The following MACROD2 variants were observed in gnomAD, a reference collection of about 807,000 sequenced individuals.
MACROD2 encodes the protein ADP-ribose glycohydrolase MACROD2.
A neutral mutation model predicts 70.4 loss-of-function variants in MACROD2; 36 were observed. The ratio of observed to expected loss-of-function variants is 0.51; its 90% confidence interval spans 0.39 to 0.68. The LOEUF is 0.68. Ranked by LOEUF, MACROD2 falls within the 30% of genes least tolerant of loss-of-function variation. The pLI, the probability that MACROD2 is intolerant of heterozygous loss-of-function variation, is 0.00. For missense variants in MACROD2, 496 were observed against 538.4 expected, an observed-to-expected ratio of 0.92 and a Z score of 0.78; for synonymous variants, 172 against 178.8, an observed-to-expected ratio of 0.96 and a Z score of 0.30.
intron 5 of MACROD2, among the ~76,000 whole-genome samples, chr20:15,216,947 A>G (rs754178878): frequency 6.6e-6 from 1 of 152,210 alleles, no homozygotes; most frequent in Non-Finnish European, 1.5e-5. Flanking sequence ...GGAAGCATAT[A>G]TGTCAGAAAG....
intron 4 of MACROD2, among the ~76,000 whole-genome samples, chr20:14,560,254 G>T (rs1979334211): frequency 6.6e-6 from 1 of 151,192 alleles, no homozygotes; most frequent in South Asian, 2.1e-4. Context: ...TAGGCAGAAA[G>T]ACTTGCTTGC....
chr20:15,699,500 T>C (rs1319236447), intron 8 of MACROD2, among the ~76,000 whole-genome samples: 1 of 152,138 alleles, frequency 6.6e-6, no homozygotes, highest in African/African-American at 2.4e-5. Context: ...ATGGAATCCG[T>C]GAGGGTCCTT....
At chr20:16,034,481 C>T (rs548847369) in intron 15 of MACROD2, among the ~76,000 whole-genome samples, 4 of 151,886 alleles carry the variant, frequency 2.6e-5, no homozygotes, top group Non-Finnish European at 5.9e-5. Flanking sequence ...AACATAAATT[C>T]GTGTCTGTGC....
Position 14,347,391 on chromosome 20 carries a change from C to T in MACROD2, c.272-146088C>T, listed in dbSNP as rs536567678. On this transcript the variant is annotated intron_variant, in intron 3 of 17. Coordinates refer to ENST00000684519, the MANE Select transcript of MACROD2 (RefSeq NM_001351661.2). ...GAGGCCAATTATGAAAAAGAAAGTA[C>T]GTAGATTTGGGCTAAATAATAATAT... Among the ~76,000 whole-genome samples the T allele has an allele frequency of 7.9e-5, 12 of 152,146 alleles. 1 individual carries two copies. The highest frequency in any genetic ancestry group is 2.0e-4 in the Admixed American group (3 of 15,278).
rs148517882 is a variant in MACROD2 at position 15,256,828 on chromosome 20, G to A, written c.540+26767G>A. On this transcript the variant is annotated intron_variant, in intron 6 of 17. Coordinates refer to ENST00000684519, the MANE Select transcript of MACROD2 (RefSeq NM_001351661.2). ...CCTAACAATATTTGAAGCCTGTTTT[G>A]GTGAGTGCTATCAAGGGCTGTTTTT... 3.0e-4 allele frequency among the ~76,000 whole-genome samples: 45 copies of A among 152,032 alleles called. No individual in the cohort carries two copies. The East Asian group carries it at 8.3e-3, about 28-fold the overall frequency.
intron 3 of MACROD2, among the ~76,000 whole-genome samples, chr20:14,260,077 C>G (rs985980306): frequency 6.6e-6 from 1 of 152,092 alleles, no homozygotes; most frequent in Non-Finnish European, 1.5e-5. Flanking sequence ...TCATTGTGCT[C>G]TCATCAGATT....
intron 3 of MACROD2, among the ~76,000 whole-genome samples, chr20:14,158,486 G>A (rs1158089896): frequency 1.3e-5 from 2 of 152,058 alleles, no homozygotes; most frequent in African/African-American, 2.4e-5. Flanking sequence ...TGAGGTCTTA[G>A]GCATAAAATC....
chr20:14,593,025 A>G (rs895516438), intron 4 of MACROD2, among the ~76,000 whole-genome samples: 5 of 152,186 alleles, frequency 3.3e-5, no homozygotes, highest in African/African-American at 7.2e-5. Context: ...TTAGACACAT[A>G]TATTATGCTG....
intron 2 of MACROD2, among the ~76,000 whole-genome samples, chr20:14,036,212 T>A (rs536309182): frequency 1.2e-4 from 19 of 152,224 alleles, no homozygotes; most frequent in African/African-American, 3.9e-4. Flanking sequence ...CCTTTTTGAA[T>A]TGTATATGAG....
chr20:15,564,032 C>G (rs1213812294), intron 8 of MACROD2, among the ~76,000 whole-genome samples: 5 of 152,128 alleles, frequency 3.3e-5, no homozygotes, highest in African/African-American at 1.2e-4. Context: ...CTTCCTTATG[C>G]CCAGATTTTT....
At chr20:14,307,685 G>A (rs1601458065) in intron 3 of MACROD2, among the ~76,000 whole-genome samples, 1 of 152,094 alleles carries the variant, frequency 6.6e-6, no homozygotes, top group East Asian at 1.9e-4. Flanking sequence ...GTATTTCTGA[G>A]TGAGAAAGAA....
At chr20:14,936,454 C>T (rs1207725922) in intron 5 of MACROD2, among the ~76,000 whole-genome samples, 1 of 152,020 alleles carries the variant, frequency 6.6e-6, no homozygotes, top group African/African-American at 2.4e-5. Flanking sequence ...TTTCTATGTC[C>T]CCACAAGCTT....
At chr20:15,689,380 G>A (rs1478452979) in intron 8 of MACROD2, among the ~76,000 whole-genome samples, 2 of 151,942 alleles carry the variant, frequency 1.3e-5, no homozygotes, top group Admixed American at 1.3e-4. Flanking sequence ...CAATAAATCT[G>A]GACAAACATA....
chr20:15,349,333 T>G (rs777349493), intron 6 of MACROD2, among the ~76,000 whole-genome samples: 2 of 152,218 alleles, frequency 1.3e-5, no homozygotes, highest in African/African-American at 2.4e-5. Flanking sequence ...GTGTAACCTG[T>G]GGGCCATGTG....
intron 5 of MACROD2, among the ~76,000 whole-genome samples, chr20:14,817,871 A>G (rs1040742): frequency 0.072 from 10,951 of 152,144 alleles, 561 homozygotes; most frequent in East Asian, 0.21. Flanking sequence ...TGCCATGCAA[A>G]AGGACAGAGT....
intron 5 of MACROD2, among the ~76,000 whole-genome samples, chr20:15,208,958 A>G (rs1157355796): frequency 2.0e-5 from 3 of 152,116 alleles, no homozygotes; most frequent in Non-Finnish European, 2.9e-5. Context: ...AGTGAGGTGC[A>G]GGTAGAAATC....
At chr20:15,610,153 T>C (rs1348621848) in intron 8 of MACROD2, among the ~76,000 whole-genome samples, 1 of 152,228 alleles carries the variant, frequency 6.6e-6, no homozygotes, top group Admixed American at 6.5e-5. Flanking sequence ...AGTGGGTAGA[T>C]TGAACTTCCG....
intron 8 of MACROD2, among the ~76,000 whole-genome samples, chr20:15,744,598 CCCA>C (rs2051152132): frequency 6.6e-6 from 1 of 151,872 alleles, no homozygotes; most frequent in Non-Finnish European, 1.5e-5. Context: ...GTGGTGATGC[CCCA>C]GGCTTCCTTG....
chr20:14,118,233 T>C (rs1206057320), intron 3 of MACROD2, among the ~76,000 whole-genome samples: 1 of 152,222 alleles, frequency 6.6e-6, no homozygotes, highest in Non-Finnish European at 1.5e-5. Context: ...GGCTTCTTCA[T>C]ATAATTGCAT....
Sources: gnomAD v4.1 joint callset for allele counts (sites outside exome capture counted in the v4.1 genomes callset) on GRCh38, gnomAD v4.1.1 for gene constraint, MANE v1.5 for transcripts, NCBI Gene and HGNC (gene_info 2026-07-23, HGNC 2026-07-21) for gene names.